WDR27: variants seen among roughly 807,000 people sequenced by gnomAD.
WDR27 encodes the protein WD repeat-containing protein 27.
Under a neutral mutation model 114.4 loss-of-function variants are expected in WDR27, and 100 were observed. That is an observed-to-expected ratio of 0.87 (90% confidence interval 0.74 to 1.03). The LOEUF (loss-of-function observed/expected upper bound fraction) is 1.03, where lower values mean the gene tolerates loss of function less well. Ranked by LOEUF, WDR27 falls within the 50% of genes least tolerant of loss-of-function variation. WDR27 has a pLI of 0.00. For missense variants in WDR27, 1,129 were observed against 1,092.9 expected (o/e 1.03, Z -0.47); for synonymous variants, 449 against 423.1 (o/e 1.06, Z -0.75).
Position 169,529,319 on chromosome 6 carries a change from G to C in WDR27, c.2645+43100C>G, listed in dbSNP as rs367748705. Among the ~76,000 whole-genome samples the C allele has an allele frequency of 6.3e-5, 9 of 143,102 alleles. No homozygotes were observed. In the East Asian group the frequency reaches 1.6e-3, roughly 26 times the overall value. 93.9% of individuals were successfully genotyped at this position (143,102 alleles called of 152,430 possible). ...TAACGGTGGTGACCTCTGCGGGGGGGGGGGGCAGCTAATGCTAATAAGCTA... is the reference window on the plus strand; with the variant it reads ...TAACGGTGGTGACCTCTGCGGGGGGCGGGGGCAGCTAATGCTAATAAGCTA... On this transcript the variant is annotated intron_variant, in intron 25 of 25. Coordinates refer to ENST00000448612, the MANE Select transcript of WDR27 (RefSeq NM_182552.5).
chr6:169,631,686 C>T (rs1816427315), intron 21 of WDR27, among the ~76,000 whole-genome samples: 1 of 152,182 alleles, frequency 6.6e-6, no homozygotes, highest in South Asian at 2.1e-4. Flanking sequence ...CTCTGAATCC[C>T]GGGGTCTCTC....
intron 1 of WDR27, among the ~76,000 whole-genome samples, chr6:169,700,814 TAA>T (rs1041422607): frequency 6.6e-6 from 1 of 152,156 alleles, no homozygotes; most frequent in Non-Finnish European, 1.5e-5. Context: ...GCAGAAATAA[TAA>T]AGTTTTTTAT....
At chr6:169,484,364 A>G (rs993768279) in intron 25 of WDR27, among the ~76,000 whole-genome samples, 1 of 152,238 alleles carries the variant, frequency 6.6e-6, no homozygotes, top group Non-Finnish European at 1.5e-5. Flanking sequence ...TATCACTAGC[A>G]TTCTTACACA....
intron 25 of WDR27, among the ~76,000 whole-genome samples, chr6:169,489,565 C>T (rs1042663529): frequency 2.6e-5 from 4 of 152,018 alleles, no homozygotes; most frequent in African/African-American, 7.3e-5. Context: ...TAGCATTGCA[C>T]GTCTCTGTGA....
chr6:169,686,434 A>T (rs1248462092), intron 2 of WDR27, among the ~76,000 whole-genome samples: 4 of 152,222 alleles, frequency 2.6e-5, no homozygotes, highest in African/African-American at 4.8e-5. Context: ...CCTGAATGTA[A>T]ATAAATAACA....
chr6:169,661,607 C>G (rs1826134326), intron 9 of WDR27, among the ~76,000 whole-genome samples: 1 of 152,158 alleles, frequency 6.6e-6, no homozygotes, highest in African/African-American at 2.4e-5. Flanking sequence ...CTGAGGGCTC[C>G]CTCTGCTCGA....
At chr6:169,427,202 A>G in the WDR27 span, 1 of 152,542 alleles carries the variant, frequency 6.6e-6, no homozygotes, top group African/African-American at 2.4e-5. Flanking sequence ...GAAACCGATC[A>G]TCACCGCTGC....
intron 14 of WDR27, among the ~76,000 whole-genome samples, chr6:169,651,471 G>C (rs1192525086): frequency 6.6e-6 from 1 of 152,096 alleles, no homozygotes; most frequent in Non-Finnish European, 1.5e-5. Flanking sequence ...CAGCTGCTTT[G>C]TATCTCCTTG....
the WDR27 span, among the ~76,000 whole-genome samples, chr6:169,441,153 C>T: frequency 1.3e-5 from 2 of 151,810 alleles, no homozygotes; most frequent in Non-Finnish European, 2.9e-5. Flanking sequence ...GCAAACCTGC[C>T]CTAAGAAAGG....
At chr6:169,569,690 T>C (rs1584282003) in intron 25 of WDR27, among the ~76,000 whole-genome samples, 1 of 152,316 alleles carries the variant, frequency 6.6e-6, no homozygotes, top group Non-Finnish European at 1.5e-5. Flanking sequence ...AATCAGATCT[T>C]TTAAAATATC....
intron 6 of WDR27, chr6:169,666,359 T>C (rs764819253): frequency 1.0e-5 from 10 of 981,796 alleles, no homozygotes; most frequent in Non-Finnish European, 1.2e-5. Flanking sequence ...TAACAATAAC[T>C]CTACCAGGTC....
intron 12 of WDR27, 29 bp from the exon 13 acceptor site, chr6:169,658,387 A>T: frequency 6.5e-7 from 1 of 1,538,604 alleles, no homozygotes; most frequent in Non-Finnish European, 8.9e-7. Context: ...CCATGAAACT[A>T]GGAGCGCAAA....
At chr6:169,669,388 C>G (rs1203261163) in intron 4 of WDR27, 1 of 152,196 alleles carries the variant, frequency 6.6e-6, no homozygotes, top group Non-Finnish European at 1.5e-5. Context: ...GCAGCAGGCA[C>G]CTGCTTACTC....
intron 25 of WDR27, among the ~76,000 whole-genome samples, chr6:169,468,146 T>C (rs1267375389): frequency 1.3e-5 from 2 of 152,226 alleles, no homozygotes; most frequent in African/African-American, 4.8e-5. Flanking sequence ...CTCATCTCCA[T>C]CTGAGACCAC....
Position 169,688,929 on chromosome 6 carries a change from T to G in WDR27, c.77A>C (p.Glu26Ala), listed in dbSNP as rs1031309654. ...SDIVIEKYLVESKESVSHVQL... is the reference protein window; with the variant it reads ...SDIVIEKYLVASKESVSHVQL... ...AACATGAGACACAGACTCCTTGGAT[T>G]CAACCAGGTATTTTTCTATAACTAT... The change falls in exon 2 of 26, where the codon GAA becomes GCA. Residue 26 changes from glutamate (E) to alanine (A), a missense_variant. By Grantham distance (107) the Glu-to-Ala change is moderately radical (BLOSUM62 -1). Coordinates refer to ENST00000448612, the MANE Select transcript of WDR27 (RefSeq NM_182552.5). 6.2e-7 allele frequency: 1 copy of G among 1,613,984 alleles called. No individual in the cohort carries two copies. Among genetic ancestry groups the G allele is most frequent in the Non-Finnish European group, 8.5e-7 (1 of 1,179,854 alleles).
chr6:169,613,486 GA>G, intron 22 of WDR27, 72 bp downstream of exon 22: 1 of 1,243,104 alleles, frequency 8.0e-7, no homozygotes, highest in Non-Finnish European at 1.2e-6. Flanking sequence ...ATCACATTCG[GA>G]AAAGAGATCA....
At chr6:169,467,677 C>T (rs1163695836) in intron 25 of WDR27, among the ~76,000 whole-genome samples, 1 of 152,238 alleles carries the variant, frequency 6.6e-6, no homozygotes, top group Non-Finnish European at 1.5e-5. Context: ...GCCATGTTTT[C>T]CTCCTAGGCC....
At chr6:169,700,693 A>C (rs1212632384) in intron 1 of WDR27, among the ~76,000 whole-genome samples, 2 of 152,208 alleles carry the variant, frequency 1.3e-5, no homozygotes, top group African/African-American at 4.8e-5. Context: ...GAAACATGCA[A>C]CTGTTCTATT....
chr6:169,670,420 T>C (rs549510516), intron 4 of WDR27, 149 bp downstream of exon 4: 10 of 797,308 alleles, frequency 1.3e-5, no homozygotes, highest in African/African-American at 1.0e-4. Context: ...GATAAAGATA[T>C]GATTTTATAA....
Sources: gnomAD v4.1 joint callset for allele counts (sites outside exome capture counted in the v4.1 genomes callset) on GRCh38, gnomAD v4.1.1 for gene constraint, MANE v1.5 for transcripts, NCBI Gene and HGNC (gene_info 2026-07-23, HGNC 2026-07-21) for gene names.